PLGRKT: variants seen among roughly 807,000 people sequenced by gnomAD.
PLGRKT encodes plasminogen receptor with a C-terminal lysine.
Under a neutral mutation model 18.5 loss-of-function variants are expected in PLGRKT, and 22 were observed. The ratio of observed to expected loss-of-function variants is 1.19; its 90% confidence interval spans 0.85 to 1.70. The LOEUF is 1.70. Ranked by LOEUF, PLGRKT falls within the 40% of genes most tolerant of loss-of-function variation. The probability of loss-of-function intolerance (pLI) is 0.00; values close to 1 mark genes in which losing one functional copy is unlikely to be tolerated. For missense variants in PLGRKT, 235 were observed against 174.4 expected, an observed-to-expected ratio of 1.35 and a Z score of -1.96; for synonymous variants, 72 against 52.8, an observed-to-expected ratio of 1.36 and a Z score of -1.58.
chr9:5,433,139 C>G (rs546701058), intron 2 of PLGRKT, among the ~76,000 whole-genome samples: 34 of 151,088 alleles, frequency 2.3e-4, no homozygotes, highest in Admixed American at 1.6e-3. Context: ...AGGAGCGCTT[C>G]TGCCTGGCCG....
rs181355944 is a variant in PLGRKT at position 5,365,502 on chromosome 9, G to C, written c.82-3614C>G. On this transcript the variant is annotated intron_variant, in intron 3 of 5. Transcript: ENST00000223864. ...AAGTGGAGCTTAACTCCCACCCCTTGATCTTGGGCTTTGCTTAGTTACTTG... is the reference window on the plus strand; with the variant it reads ...AAGTGGAGCTTAACTCCCACCCCTTCATCTTGGGCTTTGCTTAGTTACTTG... Among the ~76,000 whole-genome samples, 99 of 138,596 alleles carry C rather than the reference G, an allele frequency of 7.1e-4. 5 individuals are homozygous for C. In the East Asian group the frequency reaches 0.012, roughly 17 times the overall value. 90.9% of individuals were successfully genotyped at this position (138,596 alleles called of 152,430 possible). A position where few individuals can be genotyped will look rare whatever the true frequency, so the allele number is the denominator to read the frequency against.
chr9:5,407,002 G>A lies in PLGRKT; in HGVS notation c.81+24895C>T, dbSNP rs535471651. ...TAAAATGTAATTGCAGAGTGTTTCA[G>A]GAAAGAAAAATCACCCATAGTCCCT... On this transcript the variant is annotated intron_variant, in intron 3 of 5. Coordinates refer to ENST00000223864, the MANE Select transcript of PLGRKT (RefSeq NM_018465.4). Among the ~76,000 whole-genome samples, 349 of 152,174 alleles carry A rather than the reference G, an allele frequency of 2.3e-3. 1 individual carries two copies. The Middle Eastern group carries it at 0.024, about 10-fold the overall frequency.
Position 5,358,353 on chromosome 9 carries a change from A to G in PLGRKT, c.330T>C (p.Ala110=). Residue 110 remains alanine, a synonymous_variant, in exon 6 of 6, where the codon GCT becomes GCC. Coordinates refer to ENST00000223864, the MANE Select transcript of PLGRKT (RefSeq NM_018465.4). ...GTLLERMKGE[A]EDILETEKSK... Reference sequence around the variant, plus strand: ...TCTTTTCTGTTTCCAGTATGTCCTCAGCTTCACCTTAAATAAAGTACAGAA... The same window carrying G: ...TCTTTTCTGTTTCCAGTATGTCCTCGGCTTCACCTTAAATAAAGTACAGAA... 6.2e-7 allele frequency: 1 copy of G among 1,612,880 alleles called. No individual in the cohort carries two copies. The highest frequency in any genetic ancestry group is 8.5e-7 in the Non-Finnish European group (1 of 1,179,282).
At chr9:5,378,746 G>T (rs1295017410) in intron 3 of PLGRKT, among the ~76,000 whole-genome samples, 1 of 151,538 alleles carries the variant, frequency 6.6e-6, no homozygotes, top group East Asian at 1.9e-4. Context: ...AAAACTGTTG[G>T]GAATACAAAA....
Position 5,358,079 on chromosome 9 carries a change from AT to A in PLGRKT, c.*159del, listed in dbSNP as rs1817177663. ...GAGCACCTCCATGATTTTGTGTTGAATGTTATAAATTTTATTTTAAAATAGC... is the reference window on the plus strand; with the variant it reads ...GAGCACCTCCATGATTTTGTGTTGAAGTTATAAATTTTATTTTAAAATAGC... On this transcript the variant is annotated 3_prime_UTR_variant, in exon 6 of 6. Coordinates refer to ENST00000223864, the MANE Select transcript of PLGRKT (RefSeq NM_018465.4). The A allele has an allele frequency of 3.9e-6, 2 of 516,936 alleles. No individual in the cohort carries two copies. The highest frequency in any genetic ancestry group is 6.9e-5 in the Admixed American group (2 of 29,012). 32.0% of individuals were successfully genotyped at this position (516,936 alleles called of 1,614,324 possible).
At chr9:5,375,513 T>A (rs952398797) in intron 3 of PLGRKT, among the ~76,000 whole-genome samples, 9 of 152,102 alleles carry the variant, frequency 5.9e-5, no homozygotes, top group Non-Finnish European at 2.9e-5. Context: ...AATAAATACA[T>A]GTAAAATTTT....
At chr9:5,378,337 C>G (rs1188793998) in intron 3 of PLGRKT, among the ~76,000 whole-genome samples, 1 of 152,214 alleles carries the variant, frequency 6.6e-6, no homozygotes. Context: ...ACACATGCCC[C>G]TCATGTGCCA....
At position 5,409,647 on chromosome 9, in the gene PLGRKT, G is replaced by A. The variant is rs541321759; in HGVS notation, c.81+22250C>T. ...AGAGCAGTTGTGGGGGCTGAACCTT[G>A]CAAAGCCACAGGGATGGAGCTGCCC... On this transcript the variant is annotated intron_variant, in intron 3 of 5. Transcript: ENST00000223864. Among the ~76,000 whole-genome samples the A allele has an allele frequency of 9.7e-4, 147 of 152,330 alleles. 3 individuals are homozygous for A. The highest frequency in any genetic ancestry group is 1.9e-3 in the Non-Finnish European group (126 of 68,026).
At chr9:5,374,373 T>G (rs1052601164) in intron 3 of PLGRKT, among the ~76,000 whole-genome samples, 5 of 152,200 alleles carry the variant, frequency 3.3e-5, no homozygotes, top group African/African-American at 1.2e-4. Context: ...TGATCTGGTG[T>G]TGCTTTCCTG....
intron 3 of PLGRKT, among the ~76,000 whole-genome samples, chr9:5,365,209 T>C (rs944327178): frequency 3.3e-5 from 5 of 152,122 alleles, no homozygotes; most frequent in Non-Finnish European, 5.9e-5. Flanking sequence ...TACAGAATCT[T>C]ATAGTGCCAG....
At chr9:5,384,787 G>T (rs1817810559) in intron 3 of PLGRKT, among the ~76,000 whole-genome samples, 1 of 151,924 alleles carries the variant, frequency 6.6e-6, no homozygotes. Context: ...ACAAAAACCA[G>T]CATGAAAAGA....
At position 5,366,569 on chromosome 9, in the gene PLGRKT, C is replaced by A. The variant is rs562213628; in HGVS notation, c.82-4681G>T. ...CAAAGAGAGCACATAAGACGCTCCA[C>A]AAACTAGGCATCGAAGGAACATATC... On this transcript the variant is annotated intron_variant, in intron 3 of 5. Transcript: ENST00000223864. Among the ~76,000 whole-genome samples, 225 of 152,142 alleles carry A rather than the reference C, an allele frequency of 1.5e-3. 1 individual carries two copies. Among genetic ancestry groups the A allele is most frequent in the Non-Finnish European group, 2.7e-3 (183 of 67,926 alleles).
At chr9:5,400,687 C>A (rs183808447) in intron 3 of PLGRKT, among the ~76,000 whole-genome samples, 6 of 152,070 alleles carry the variant, frequency 3.9e-5, no homozygotes, top group Admixed American at 2.0e-4. Context: ...CTTGTCTTTT[C>A]ATCTTTATAT....
At chr9:5,382,910 G>A (rs1273358546) in intron 3 of PLGRKT, among the ~76,000 whole-genome samples, 1 of 152,188 alleles carries the variant, frequency 6.6e-6, no homozygotes, top group Non-Finnish European at 1.5e-5. Context: ...AAGAGTAGGG[G>A]TTGACTCCCT....
chr9:5,359,099 G>A (rs1187642883), intron 5 of PLGRKT, among the ~76,000 whole-genome samples: 1 of 146,976 alleles, frequency 6.8e-6, no homozygotes, highest in Non-Finnish European at 1.5e-5. Context: ...GTCTAGCTCT[G>A]TCGCCTAGGC....
intron 3 of PLGRKT, among the ~76,000 whole-genome samples, chr9:5,371,214 A>G (rs10815196): frequency 0.28 from 43,203 of 152,152 alleles, 6,444 homozygotes; most frequent in African/African-American, 0.35. Context: ...CAAAATAAAT[A>G]TTTAGACTTT....
chr9:5,389,000 T>G (rs1196764146), intron 3 of PLGRKT, among the ~76,000 whole-genome samples: 1 of 151,958 alleles, frequency 6.6e-6, no homozygotes, highest in Non-Finnish European at 1.5e-5. Context: ...CTTATTGACT[T>G]GTGCAATGAA....
At chr9:5,436,143 A>G (rs1426470415) in intron 2 of PLGRKT, among the ~76,000 whole-genome samples, 2 of 152,232 alleles carry the variant, frequency 1.3e-5, no homozygotes, top group East Asian at 3.8e-4. Flanking sequence ...GTGATTTGGC[A>G]GTTCTTTCCT....
At chr9:5,410,505 A>T (rs1252069501) in intron 3 of PLGRKT, among the ~76,000 whole-genome samples, 2 of 152,028 alleles carry the variant, frequency 1.3e-5, no homozygotes, top group South Asian at 4.1e-4. Flanking sequence ...TCTCAAAAAA[A>T]AAAAAAAAGG....
Sources: allele counts gnomAD v4.1 joint callset (sites outside exome capture counted in the v4.1 genomes callset), GRCh38; gene constraint gnomAD v4.1.1; transcripts MANE v1.5; gene names NCBI Gene and HGNC (gene_info 2026-07-23, HGNC 2026-07-21).